Variants in SOX5 observed in about 807,000 individuals in gnomAD.
SOX5 encodes SRY-box transcription factor 5, also known as transcription factor SOX-5.
Under a neutral mutation model 92.0 loss-of-function variants are expected in SOX5, and 9 were observed. That is an observed-to-expected ratio of 0.10 (90% CI 0.06 to 0.17). The LOEUF is 0.17. SOX5 is among the 10% of genes least tolerant of loss of function. The probability of loss-of-function intolerance (pLI) is 1.00; values close to 1 mark genes in which losing one functional copy is unlikely to be tolerated. For missense variants in SOX5, 642 were observed against 944.5 expected, an observed-to-expected ratio of 0.68 and a Z score of 4.20; for synonymous variants, 344 against 336.3, an observed-to-expected ratio of 1.02 and a Z score of -0.25.
chr12:23,589,301 G>T (rs1251715444), intron 9 of SOX5, among the ~76,000 whole-genome samples: 1 of 151,664 alleles, frequency 6.6e-6, no homozygotes, highest in Non-Finnish European at 1.5e-5. Context: ...TAACAAAACT[G>T]GACAATATTT....
rs1337407163 is a variant in SOX5 at position 24,022,620 on chromosome 12, C to T, written c.-1-126596G>A. 2.0e-5 allele frequency among the ~76,000 whole-genome samples: 3 copies of T among 152,058 alleles called. No homozygotes were observed. In the East Asian group the frequency reaches 5.8e-4, roughly 29 times the overall value. ...TTCCCAGTGCCAAGCACAATGTTTT[C>T]CACACTAGAGTGGCACCTTGCTCCC... On this transcript the variant is annotated intron_variant, in intron 4 of 4. Transcript: ENST00000446891.
At chr12:24,323,330 T>C (rs1171228767) in intron 2 of SOX5, among the ~76,000 whole-genome samples, 1 of 150,816 alleles carries the variant, frequency 6.6e-6, no homozygotes, top group African/African-American at 2.4e-5. Context: ...TATGCACATA[T>C]ATAACATTAT....
intron 6 of SOX5, among the ~76,000 whole-genome samples, chr12:23,732,869 T>C (rs2093442790): frequency 6.6e-6 from 1 of 152,188 alleles, no homozygotes; most frequent in Admixed American, 6.5e-5. Flanking sequence ...ACAGTTCCTA[T>C]AGTCTTAGAA....
At chr12:23,911,886 T>C (rs1187134176) in intron 1 of SOX5, among the ~76,000 whole-genome samples, 1 of 152,132 alleles carries the variant, frequency 6.6e-6, no homozygotes, top group Non-Finnish European at 1.5e-5. Flanking sequence ...GGCCTTGGGT[T>C]AGGCAATGGT....
chr12:23,576,759 T>C (rs1241021293), intron 9 of SOX5, among the ~76,000 whole-genome samples: 1 of 152,148 alleles, frequency 6.6e-6, no homozygotes, highest in African/African-American at 2.4e-5. Flanking sequence ...AATGAGATAA[T>C]ATTAACATTA....
At chr12:23,855,993 A>G (rs907325777) in intron 2 of SOX5, among the ~76,000 whole-genome samples, 3 of 152,188 alleles carry the variant, frequency 2.0e-5, no homozygotes, top group Non-Finnish European at 4.4e-5. Context: ...AGCCTTTAAC[A>G]TGAACTGACA....
intron 6 of SOX5, among the ~76,000 whole-genome samples, chr12:23,712,014 T>G (rs181060845): frequency 6.6e-6 from 1 of 152,316 alleles, no homozygotes; most frequent in Admixed American, 6.5e-5. Context: ...AATGAGTAAA[T>G]TGCTCAGGTC....
intron 11 of SOX5, among the ~76,000 whole-genome samples, chr12:23,554,543 A>G (rs1427379282): frequency 2.6e-5 from 4 of 152,134 alleles, no homozygotes; most frequent in Non-Finnish European, 5.9e-5. Flanking sequence ...TTCTTCTCAA[A>G]TCTCAAGTTA....
chr12:23,999,140 C>CTGTGTGTGTG (rs1384723605), intron 4 of SOX5, among the ~76,000 whole-genome samples: 12,460 of 141,226 alleles, frequency 0.088, 701 homozygotes, highest in East Asian at 0.12. Flanking sequence ...AAAAAAGACT[C>CTGTGTGTGTG]TGTGTGTGTG....
At chr12:24,410,432 T>G (rs1020018957) in intron 1 of SOX5, among the ~76,000 whole-genome samples, 1 of 152,226 alleles carries the variant, frequency 6.6e-6, no homozygotes, top group Non-Finnish European at 1.5e-5. Flanking sequence ...GTAGTATAGT[T>G]TTGAGTTTTA....
At chr12:23,565,632 C>T (rs1381701158) in intron 10 of SOX5, among the ~76,000 whole-genome samples, 1 of 152,148 alleles carries the variant, frequency 6.6e-6, no homozygotes, top group African/African-American at 2.4e-5. Flanking sequence ...GAGTAACTGA[C>T]AGACCTATGT....
chr12:23,651,491 T>C (rs1284429158), intron 7 of SOX5, among the ~76,000 whole-genome samples: 1 of 152,104 alleles, frequency 6.6e-6, no homozygotes, highest in Non-Finnish European at 1.5e-5. Flanking sequence ...TGTATCAAAC[T>C]CTTACTATGT....
intron 7 of SOX5, among the ~76,000 whole-genome samples, chr12:23,653,664 A>G (rs2081966321): frequency 6.6e-6 from 1 of 152,046 alleles, no homozygotes; most frequent in Admixed American, 6.6e-5. Context: ...TGATGAATAA[A>G]TGGTGCATTC....
At chr12:23,889,223 C>T (rs1461054179) in intron 2 of SOX5, among the ~76,000 whole-genome samples, 1 of 152,130 alleles carries the variant, frequency 6.6e-6, no homozygotes, top group Non-Finnish European at 1.5e-5. Context: ...TGCATTATAG[C>T]ATCACAATAA....
intron 6 of SOX5, among the ~76,000 whole-genome samples, chr12:23,712,248 G>A (rs1324335753): frequency 1.3e-5 from 2 of 152,212 alleles, no homozygotes; most frequent in African/African-American, 2.4e-5. Context: ...CCCTACCCAA[G>A]AGGGATACGT....
chr12:24,191,639 C>T (rs1956538064), intron 4 of SOX5, among the ~76,000 whole-genome samples: 1 of 152,226 alleles, frequency 6.6e-6, no homozygotes, highest in African/African-American at 2.4e-5. Flanking sequence ...CAATGTCCTA[C>T]TCCTTGTTGG....
Position 24,175,647 on chromosome 12 carries a change from A to G in SOX5, c.-2+37696T>C, listed in dbSNP as rs537585065. ...TATGTGTGTGTATATCTGTAGATCT[A>G]TATACCTCTATCCATATTCCTCACA... On this transcript the variant is annotated intron_variant, in intron 4 of 4. Coordinates refer to the SOX5 transcript ENST00000446891. Among the ~76,000 whole-genome samples the G allele has an allele frequency of 2.6e-5, 4 of 152,320 alleles. No individual in the cohort carries two copies. In the South Asian group the frequency reaches 6.2e-4, roughly 24 times the overall value.
rs1176460125 is a variant in SOX5 at position 24,542,849 on chromosome 12, G to A, written c.-251+19480C>T. Among the ~76,000 whole-genome samples the A allele has an allele frequency of 9.2e-5, 14 of 152,174 alleles. 1 individual carries two copies. The highest frequency in any genetic ancestry group is 9.2e-4 in the Admixed American group (14 of 15,270). On this transcript the variant is annotated intron_variant, in intron 1 of 4. Coordinates refer to the SOX5 transcript ENST00000446891. ...AGAAAATTCTGCACTTAGATTGCTTGCCAAATGCCTTCAAGGTCTCCTCCA... is the reference window on the plus strand; with the variant it reads ...AGAAAATTCTGCACTTAGATTGCTTACCAAATGCCTTCAAGGTCTCCTCCA...
intron 6 of SOX5, among the ~76,000 whole-genome samples, chr12:23,680,866 A>G (rs2086513686): frequency 6.6e-6 from 1 of 151,064 alleles, no homozygotes; most frequent in Non-Finnish European, 1.5e-5. Flanking sequence ...TGTTTCCAGT[A>G]AACACTTTCA....
Sources: allele counts gnomAD v4.1 joint callset (sites outside exome capture counted in the v4.1 genomes callset), GRCh38; gene constraint gnomAD v4.1.1; transcripts MANE v1.5; gene names NCBI Gene and HGNC (gene_info 2026-07-23, HGNC 2026-07-21).